The following RSF1 variants were observed in gnomAD, a reference collection of about 807,000 sequenced individuals.
RSF1 encodes the protein HBV pX-associated protein 8.
Under a neutral mutation model 145.2 loss-of-function variants are expected in RSF1, and 13 were observed. That is an observed-to-expected ratio of 0.09 (90% CI 0.06 to 0.14). The LOEUF is 0.14. Ranked by LOEUF, RSF1 falls within the 10% of genes least tolerant of loss-of-function variation. The pLI, the probability that RSF1 is intolerant of heterozygous loss-of-function variation, is 1.00. For missense variants in RSF1, 1,517 were observed against 1,718.2 expected (o/e 0.88, Z 2.07); for synonymous variants, 577 against 592.6 (o/e 0.97, Z 0.38).
the RSF1 span, among the ~76,000 whole-genome samples, chr11:77,854,501 T>G: frequency 6.6e-6 from 1 of 152,202 alleles, no homozygotes. Flanking sequence ...TACAGGCCCA[T>G]GCAAGTCTGA....
At chr11:77,671,043 T>C (rs1340668844) in intron 15 of RSF1, among the ~76,000 whole-genome samples, 1 of 133,316 alleles carries the variant, frequency 7.5e-6, no homozygotes, top group Non-Finnish European at 1.6e-5. Context: ...GAGGCGGAGG[T>C]TGCAGTGAGC....
At chr11:77,734,261 A>T (rs1961281187) in intron 4 of RSF1, among the ~76,000 whole-genome samples, 1 of 151,720 alleles carries the variant, frequency 6.6e-6, no homozygotes, top group Admixed American at 6.6e-5. Context: ...ATTGCTTCCT[A>T]TCTATTCATC....
intron 5 of RSF1, among the ~76,000 whole-genome samples, chr11:77,706,422 G>A (rs1038540305): frequency 2.0e-5 from 3 of 151,978 alleles, no homozygotes; most frequent in Non-Finnish European, 4.4e-5. Flanking sequence ...AGGAGGAGCT[G>A]TGAGGATTTT....
chr11:77,846,671 A>C, the RSF1 span, among the ~76,000 whole-genome samples: 1 of 152,188 alleles, frequency 6.6e-6, no homozygotes, highest in African/African-American at 2.4e-5. Context: ...GCGCCATTGC[A>C]CTCCATCCTG....
chr11:77,820,759 A>G, upstream of RSF1: 1 of 1,519,664 alleles, frequency 6.6e-7, no homozygotes, highest in South Asian at 1.2e-5. Flanking sequence ...GGGCGGGGGA[A>G]GTTGTGGTGC....
At chr11:77,801,301 G>T (rs556171962) in intron 1 of RSF1, among the ~76,000 whole-genome samples, 3 of 152,156 alleles carry the variant, frequency 2.0e-5, no homozygotes, top group Non-Finnish European at 4.4e-5. Flanking sequence ...GGTGGCACAT[G>T]CCTGTAGTCC....
intron 7 of RSF1, among the ~76,000 whole-genome samples, chr11:77,694,334 C>T (rs1960232376): frequency 6.6e-6 from 1 of 152,080 alleles, no homozygotes. Context: ...AAGAAACACT[C>T]ATGGTTCTTT....
chr11:77,849,098 G>A, the RSF1 span, among the ~76,000 whole-genome samples: 3 of 151,094 alleles, frequency 2.0e-5, no homozygotes, highest in Admixed American at 6.6e-5. Context: ...GTGCAATGGC[G>A]CCATTATTGT....
chr11:77,857,959 G>C, the RSF1 span, among the ~76,000 whole-genome samples: 1 of 152,112 alleles, frequency 6.6e-6, no homozygotes. Context: ...CCCCCAAAGT[G>C]CTGGGATTAC....
At chr11:77,790,933 G>A (rs1948511051) in intron 1 of RSF1, among the ~76,000 whole-genome samples, 1 of 152,176 alleles carries the variant, frequency 6.6e-6, no homozygotes, top group Non-Finnish European at 1.5e-5. Flanking sequence ...GCTTTTCCAG[G>A]CACATGGTGC....
intron 4 of RSF1, among the ~76,000 whole-genome samples, chr11:77,728,626 A>G (rs1565162102): frequency 6.6e-6 from 1 of 151,832 alleles, no homozygotes; most frequent in African/African-American, 2.4e-5. Context: ...GGGAGACGGG[A>G]GAAGGGAAGG....
At chr11:77,744,121 C>T (rs10899402) in intron 3 of RSF1, among the ~76,000 whole-genome samples, 39,146 of 151,814 alleles carry the variant, frequency 0.26, 5,775 homozygotes, top group South Asian at 0.49. Flanking sequence ...CTCTGCCTCC[C>T]GAGCTCAAGC....
intron 1 of RSF1, among the ~76,000 whole-genome samples, chr11:77,780,355 T>G (rs1948390302): frequency 6.6e-6 from 1 of 152,154 alleles, no homozygotes. Flanking sequence ...TAAGGAAACA[T>G]GTAAAATAAA....
At chr11:77,866,866 G>A in the RSF1 span, 1 of 151,716 alleles carries the variant, frequency 6.6e-6, no homozygotes, top group East Asian at 1.9e-4. Context: ...TTGAGACAGA[G>A]TTTCGCTCTT....
chr11:77,789,926 C>T (rs900866062), intron 1 of RSF1, among the ~76,000 whole-genome samples: 1 of 152,214 alleles, frequency 6.6e-6, no homozygotes, highest in Non-Finnish European at 1.5e-5. Flanking sequence ...ACAGCTGTAA[C>T]CTACCTGCAG....
At position 77,677,006 on chromosome 11, in the gene RSF1, T is replaced by C; in HGVS notation, c.3134-7A>G. ...TCTTTTCCTCGGCCAACTCCTGAATTTGGGGGAGGGAAGTTCGGGGAGAGA... is the reference window on the plus strand; with the variant it reads ...TCTTTTCCTCGGCCAACTCCTGAATCTGGGGGAGGGAAGTTCGGGGAGAGA... On this transcript the variant is annotated splice_region_variant and splice_polypyrimidine_tract_variant and intron_variant, in intron 12 of 15. Transcript: ENST00000308488. 6.2e-7 allele frequency: 1 copy of C among 1,610,862 alleles called. No individual in the cohort carries two copies. The highest frequency in any genetic ancestry group is 8.5e-7 in the Non-Finnish European group (1 of 1,178,564).
At chr11:77,747,266 C>T in intron 2 of RSF1, 138 bp from the exon 3 acceptor site, 1 of 534,620 alleles carries the variant, frequency 1.9e-6, no homozygotes, top group South Asian at 2.6e-5. Context: ...CCAACTGCAC[C>T]CTAAAATGCA....
chr11:77,807,897 T>C (rs1446158427), intron 1 of RSF1, among the ~76,000 whole-genome samples: 1 of 152,150 alleles, frequency 6.6e-6, no homozygotes, highest in African/African-American at 2.4e-5. Context: ...ATGGAAGTCA[T>C]GGCAGTACAG....
intron 5 of RSF1, chr11:77,717,757 C>A (rs966146074): frequency 6.6e-6 from 1 of 152,096 alleles, no homozygotes; most frequent in Non-Finnish European, 1.5e-5. Flanking sequence ...GATAACGATA[C>A]AGGGAAGTAA....
Sources: gnomAD v4.1 joint callset for allele counts (sites outside exome capture counted in the v4.1 genomes callset) on GRCh38, gnomAD v4.1.1 for gene constraint, MANE v1.5 for transcripts, NCBI Gene and HGNC (gene_info 2026-07-23, HGNC 2026-07-21) for gene names.